The following UTS2 variants were observed in gnomAD, a reference collection of about 807,000 sequenced individuals.
UTS2 encodes urotensin-2.
In UTS2, 10 loss-of-function variants were observed where a neutral mutation model predicts 12.6. That is an observed-to-expected ratio of 0.80 (90% confidence interval 0.49 to 1.35). UTS2 has a LOEUF of 1.35. UTS2 is among the 40% of genes most tolerant of loss of function. The pLI is 0.00. For missense variants in UTS2, 142 were observed against 143.2 expected (o/e 0.99, Z 0.04); for synonymous variants, 52 against 50.0 (o/e 1.04, Z -0.17).
At chr1:7,875,380 G>A in the UTS2 span, among the ~76,000 whole-genome samples, 19,386 of 152,060 alleles carry the variant, frequency 0.13, 1,766 homozygotes, top group Non-Finnish European at 0.18. Context: ...GGCCAATTTC[G>A]GGTATTTCTT....
chr1:7,871,853 T>C, the UTS2 span, among the ~76,000 whole-genome samples: 13 of 151,214 alleles, frequency 8.6e-5, no homozygotes, highest in African/African-American at 2.9e-4. Flanking sequence ...CTCCATCAAC[T>C]GGCCGTTCCC....
upstream of UTS2, chr1:7,853,556 T>A: frequency 7.5e-7 from 1 of 1,339,844 alleles, no homozygotes. Context: ...AGTGAAAAGT[T>A]AAAATACATA....
the UTS2 span, among the ~76,000 whole-genome samples, chr1:7,869,818 G>A: frequency 3.3e-5 from 5 of 152,218 alleles, no homozygotes; most frequent in Non-Finnish European, 5.9e-5. Flanking sequence ...AGAGAGGTCC[G>A]AGGAAATGAC....
At chr1:7,901,239 T>G in the UTS2 span, among the ~76,000 whole-genome samples, 2 of 152,214 alleles carry the variant, frequency 1.3e-5, no homozygotes, top group Admixed American at 1.3e-4. Flanking sequence ...GGAAGACTAC[T>G]GCAGTAATCC....
At chr1:7,886,184 G>A in the UTS2 span, among the ~76,000 whole-genome samples, 1 of 152,012 alleles carries the variant, frequency 6.6e-6, no homozygotes, top group Non-Finnish European at 1.5e-5. Context: ...CGGGAGGGGG[G>A]AGGGCCTCAA....
chr1:7,906,935 C>T, the UTS2 span, among the ~76,000 whole-genome samples: 1 of 152,132 alleles, frequency 6.6e-6, no homozygotes, highest in Non-Finnish European at 1.5e-5. Context: ...TTAGCCTTTG[C>T]CACTGAAGCT....
chr1:7,883,537 C>A, the UTS2 span, among the ~76,000 whole-genome samples: 4 of 152,106 alleles, frequency 2.6e-5, no homozygotes, highest in African/African-American at 9.7e-5. Flanking sequence ...GAAGAGAAGA[C>A]TTAAAATGCT....
upstream of UTS2, among the ~76,000 whole-genome samples, chr1:7,858,340 G>A (rs1467881159): frequency 6.6e-6 from 1 of 152,174 alleles, no homozygotes; most frequent in Non-Finnish European, 1.5e-5. Context: ...TGAGAAGTGG[G>A]ATTCCTCTAA....
At chr1:7,878,102 C>T in the UTS2 span, among the ~76,000 whole-genome samples, 6 of 152,196 alleles carry the variant, frequency 3.9e-5, no homozygotes, top group African/African-American at 1.4e-4. Context: ...GCAGGCCTTA[C>T]AGGCCAGGAG....
At chr1:7,895,827 C>A in the UTS2 span, among the ~76,000 whole-genome samples, 78 of 152,292 alleles carry the variant, frequency 5.1e-4, no homozygotes, top group African/African-American at 1.8e-3. Flanking sequence ...ATTTTCACTT[C>A]CAAATTACAT....
At chr1:7,852,026 T>C (rs2097414678) in intron 1 of UTS2, among the ~76,000 whole-genome samples, 1 of 152,160 alleles carries the variant, frequency 6.6e-6, no homozygotes, top group South Asian at 2.1e-4. Flanking sequence ...AATGATCATC[T>C]CGGTGACTCG....
chr1:7,868,407 A>G, the UTS2 span, among the ~76,000 whole-genome samples: 1 of 152,180 alleles, frequency 6.6e-6, no homozygotes, highest in Non-Finnish European at 1.5e-5. Flanking sequence ...AGGCAATTTT[A>G]TAATCTTTCT....
At chr1:7,850,954 G>A in intron 1 of UTS2, 32 bp from the exon 2 acceptor site, 1 of 1,605,424 alleles carries the variant, frequency 6.2e-7, no homozygotes, top group Non-Finnish European at 8.5e-7. Context: ...TTAGAATTGG[G>A]TTCATCCTTC....
the UTS2 span, among the ~76,000 whole-genome samples, chr1:7,904,478 T>TA: frequency 8.5e-4 from 123 of 144,776 alleles, no homozygotes; most frequent in Middle Eastern, 3.6e-3. Flanking sequence ...CTCCATCTCG[T>TA]AAAAAAAAAA....
upstream of UTS2, chr1:7,853,362 A>C: frequency 1.2e-6 from 2 of 1,614,188 alleles, no homozygotes; most frequent in Non-Finnish European, 1.7e-6. Context: ...TGGCCAAAGC[A>C]AAGAGACGTG....
At chr1:7,877,861 A>T in the UTS2 span, among the ~76,000 whole-genome samples, 2 of 147,372 alleles carry the variant, frequency 1.4e-5, no homozygotes, top group South Asian at 4.5e-4. Flanking sequence ...CAACAGAGCA[A>T]GACTCTGTCT....
At chr1:7,875,095 G>C in the UTS2 span, among the ~76,000 whole-genome samples, 1 of 147,492 alleles carries the variant, frequency 6.8e-6, no homozygotes, top group East Asian at 2.0e-4. Flanking sequence ...CTTTTTTTAA[G>C]ACAGAGTCTC....
chr1:7,856,789 G>A (rs1461288312), upstream of UTS2, among the ~76,000 whole-genome samples: 3 of 152,022 alleles, frequency 2.0e-5, no homozygotes, highest in East Asian at 1.9e-4. Flanking sequence ...AGCCGGGCAC[G>A]GTGGCTCAGA....
the UTS2 span, among the ~76,000 whole-genome samples, chr1:7,899,172 C>CA: frequency 6.6e-6 from 1 of 152,134 alleles, no homozygotes; most frequent in Non-Finnish European, 1.5e-5. Context: ...CCCCATGACC[C>CA]AATCACCTCC....
Sources: allele counts gnomAD v4.1 joint callset (sites outside exome capture counted in the v4.1 genomes callset), GRCh38; gene constraint gnomAD v4.1.1; transcripts MANE v1.5; gene names NCBI Gene and HGNC (gene_info 2026-07-23, HGNC 2026-07-21).